The following CCNB3 variants were observed in gnomAD, a reference collection of about 807,000 sequenced individuals.
CCNB3 encodes the protein cyclin B3.
CCNB3 carries 12 observed loss-of-function variants against 68.0 expected under a neutral mutation model. The observed-to-expected ratio is 0.18, with a 90% confidence interval of 0.11 to 0.29. The LOEUF is 0.29. Ranked by LOEUF, CCNB3 falls within the 10% of genes least tolerant of loss-of-function variation. The probability of loss-of-function intolerance (pLI) is 1.00; values close to 1 mark genes in which losing one functional copy is unlikely to be tolerated. For synonymous variants in CCNB3, 354 were observed against 388.9 expected (o/e 0.91, Z 1.06); for missense variants, 904 against 993.1 (o/e 0.91, Z 1.21).
intron 1 of CCNB3, among the ~76,000 whole-genome samples, chrX:50,283,110 C>T (rs1243423715): frequency 9.0e-6 from 1 of 111,591 alleles, no homozygotes; most frequent in African/African-American, 3.3e-5. Flanking sequence ...AAATTTGCAT[C>T]TGAGCCACAC....
At chrX:50,282,732 TA>T (rs755095028) in intron 1 of CCNB3, among the ~76,000 whole-genome samples, 2 of 111,903 alleles carry the variant, frequency 1.8e-5, no homozygotes, top group Non-Finnish European at 3.8e-5. Flanking sequence ...TTCACGATAA[TA>T]AATGGGGTAT....
chrX:50,221,675 G>C lies in CCNB3; in HGVS notation c.-113+16725G>C, dbSNP rs1935676349. On this transcript the variant is annotated intron_variant, in intron 1 of 12. Transcript: ENST00000376042. ...TCCGTTCTTTTGCATTTGCTGAGGA[G>C]TGTTTTACTTCCAATTATGTGGTCA... Among the ~76,000 whole-genome samples the C allele has an allele frequency of 2.7e-5, 3 of 111,498 alleles. 1 individual carries two copies. In the South Asian group the frequency reaches 1.1e-3, roughly 42 times the overall value.
intron 1 of CCNB3, among the ~76,000 whole-genome samples, chrX:50,207,943 T>C (rs1173883035): frequency 1.8e-5 from 2 of 111,641 alleles, no homozygotes; most frequent in Non-Finnish European, 3.8e-5. Flanking sequence ...CTCCCAGCTT[T>C]AGGCAACCAC....
intron 5 of CCNB3, among the ~76,000 whole-genome samples, chrX:50,307,345 A>C (rs782487243): frequency 9.0e-6 from 1 of 111,396 alleles, no homozygotes; most frequent in East Asian, 2.8e-4. Context: ...AGGTGAAAAA[A>C]ACTGAAGCAC....
chrX:50,333,599 T>C (rs1425765916), intron 8 of CCNB3, among the ~76,000 whole-genome samples: 3 of 111,270 alleles, frequency 2.7e-5, no homozygotes, highest in African/African-American at 6.5e-5. Flanking sequence ...GCCAATACAA[T>C]TGTGGCTCCC....
At chrX:50,298,476 TG>T (rs1936532723) in intron 5 of CCNB3, among the ~76,000 whole-genome samples, 1 of 112,026 alleles carries the variant, frequency 8.9e-6, no homozygotes, top group African/African-American at 3.2e-5. Flanking sequence ...ATCCCAGGGA[TG>T]AAGCCCACTT....
intron 5 of CCNB3, among the ~76,000 whole-genome samples, chrX:50,299,308 G>A (rs1249142382): frequency 9.0e-6 from 1 of 111,016 alleles, no homozygotes; most frequent in Non-Finnish European, 1.9e-5. Flanking sequence ...CTTTGAATGT[G>A]TCCCATAGAT....
chrX:50,214,475 CATATATATAT>C (rs1184201216), intron 1 of CCNB3, among the ~76,000 whole-genome samples: 1,685 of 9,485 alleles, frequency 0.18, 164 homozygotes, highest in African/African-American at 0.23. Flanking sequence ...AGCTGTGGCC[CATATATATAT>C]ATATATATAT....
chrX:50,279,470 A>G (rs1216423686), intron 1 of CCNB3, among the ~76,000 whole-genome samples: 2 of 80,895 alleles, frequency 2.5e-5, no homozygotes, highest in African/African-American at 9.2e-5. Context: ...ATAAATATAT[A>G]AATATATGAA....
intron 1 of CCNB3, among the ~76,000 whole-genome samples, chrX:50,226,483 A>G (rs1935809898): frequency 1.2e-5 from 1 of 80,368 alleles, no homozygotes; most frequent in African/African-American, 5.0e-5. Context: ...ATATAAATAT[A>G]TATAGAATAT....
intron 8 of CCNB3, among the ~76,000 whole-genome samples, chrX:50,321,900 T>C (rs367723243): frequency 9.0e-5 from 10 of 111,301 alleles, no homozygotes; most frequent in African/African-American, 3.2e-4. Flanking sequence ...GTCTATTTAC[T>C]TCCCAGGTCT....
intron 1 of CCNB3, among the ~76,000 whole-genome samples, chrX:50,216,634 A>G (rs1322121935): frequency 1.8e-5 from 2 of 112,050 alleles, no homozygotes; most frequent in Admixed American, 9.5e-5. Context: ...TAATTTATTT[A>G]CATTTAATAT....
At chrX:50,207,627 G>T (rs782472425) in intron 1 of CCNB3, among the ~76,000 whole-genome samples, 11 of 111,886 alleles carry the variant, frequency 9.8e-5, no homozygotes, top group Admixed American at 5.7e-4. Context: ...AAACTGCCTG[G>T]ATTATTGTAA....
chrX:50,308,436 C>A, intron 5 of CCNB3, 69 bp from the exon 6 acceptor site: 1 of 734,379 alleles, frequency 1.4e-6, no homozygotes, highest in Non-Finnish European at 2.0e-6. Context: ...AATATAGCAA[C>A]AAAAGGAAAT....
At position 50,306,552 on chromosome X, in the gene CCNB3, T is replaced by A. The variant is rs1921085228; in HGVS notation, c.336-1953T>A. Among the ~76,000 whole-genome samples the A allele has an allele frequency of 2.7e-5, 3 of 112,106 alleles. No homozygotes were observed. In the South Asian group the frequency reaches 1.1e-3, roughly 41 times the overall value. ...GGACATTCTTGTTTTCTCCCTGATC[T>A]TAGGGGGAAAGTATCAGTCTTTCAC... On this transcript the variant is annotated intron_variant, in intron 5 of 12. Transcript: ENST00000376042.
chrX:50,219,863 G>T (rs1372333608), intron 1 of CCNB3, among the ~76,000 whole-genome samples: 1 of 111,881 alleles, frequency 8.9e-6, no homozygotes, highest in African/African-American at 3.2e-5. Context: ...ACTTTGGGCA[G>T]TGTGGCCATT....
intron 5 of CCNB3, among the ~76,000 whole-genome samples, chrX:50,300,913 A>T (rs1487964564): frequency 1.8e-5 from 2 of 111,190 alleles, no homozygotes; most frequent in African/African-American, 6.5e-5. Flanking sequence ...CCTTTCTTCC[A>T]GTTGATCGCC....
intron 4 of CCNB3, among the ~76,000 whole-genome samples, chrX:50,294,618 G>A (rs1015208880): frequency 9.0e-6 from 1 of 111,397 alleles, no homozygotes; most frequent in Non-Finnish European, 1.9e-5. Context: ...AACACATAGG[G>A]CTGCTAGTTA....
Position 50,309,691 on chromosome X carries a change from C to G in CCNB3, c.1522C>G (p.Leu508Val). The G allele has an allele frequency of 2.5e-6, 3 of 1,209,328 alleles. No homozygotes were observed. Among genetic ancestry groups the G allele is most frequent in the Non-Finnish European group, 3.4e-6 (3 of 894,331 alleles). ...GACAATGTCCCACTTGAAGAAACCA[C>G]TAATATTACAGACCACCTCTGGAGA... is the stretch of plus-strand genomic sequence containing the variant. ...QGTMSHLKKP[L>V]ILQTTSGEKS... The change falls in exon 6 of 13, where the codon CTA becomes GTA. Residue 508 changes from leucine to valine, a missense_variant. Leu to Val is a conservative substitution (Grantham distance 32). This residue lies in a region of CCNB3 where 619 missense variants were observed against 609.8 expected (regional missense o/e 1.02). Coordinates refer to ENST00000376042, the MANE Select transcript of CCNB3 (RefSeq NM_033031.3).
Sources: gnomAD v4.1 joint callset for allele counts (sites outside exome capture counted in the v4.1 genomes callset) on GRCh38, gnomAD v4.1.1 for gene constraint, gnomAD v4.1.1 regional missense constraint, MANE v1.5 for transcripts, NCBI Gene and HGNC (gene_info 2026-07-23, HGNC 2026-07-21) for gene names.